The following NCOR1 variants were observed in gnomAD, a reference collection of about 807,000 sequenced individuals.
NCOR1 encodes protein phosphatase 1, regulatory subunit 109.
A neutral mutation model predicts 288.1 loss-of-function variants in NCOR1; 63 were observed. That is an observed-to-expected ratio of 0.22 (90% confidence interval 0.18 to 0.27). The LOEUF (loss-of-function observed/expected upper bound fraction) is 0.27, where lower values mean the gene tolerates loss of function less well. Ranked by LOEUF, NCOR1 falls within the 10% of genes least tolerant of loss-of-function variation. NCOR1 has a pLI of 1.00. For missense variants in NCOR1, 2,397 were observed against 3,019.2 expected, an observed-to-expected ratio of 0.79 and a Z score of 4.83; for synonymous variants, 1,007 against 1,065.9, an observed-to-expected ratio of 0.94 and a Z score of 1.08.
chr17:16,071,463 T>C lies in NCOR1; in HGVS notation c.4098A>G (p.Lys1366=), dbSNP rs1480430866. 1 of 1,614,208 alleles carries C rather than the reference T, an allele frequency of 6.2e-7. No individual in the cohort carries two copies. The highest frequency in any genetic ancestry group is 8.5e-7 in the Non-Finnish European group (1 of 1,180,042). Residue 1366 remains lysine, a synonymous_variant, in exon 30 of 46, where the codon AAA becomes AAG. Coordinates refer to ENST00000268712, the MANE Select transcript of NCOR1 (RefSeq NM_006311.4). Reference sequence around the variant, plus strand: ...GTGTGCTCTGGACCACTTCTGGAGTTTTCCGACTTTCCTGAGTTAAAATAT... The same window carrying C: ...GTGTGCTCTGGACCACTTCTGGAGTCTTCCGACTTTCCTGAGTTAAAATAT... ...RQDILTQESR[K]TPEVVQSTRP... is the part of the protein sequence containing the mutation.
Position 16,111,811 on chromosome 17 carries a change from T to A in NCOR1, c.2056-2899A>T, listed in dbSNP as rs182499718. On this transcript the variant is annotated intron_variant, in intron 18 of 45. Transcript: ENST00000268712. ...CTTTCTATATATATGCATACACACA[T>A]CCTGTTAACTGTGTTTCTGAGGAGG... Among the ~76,000 whole-genome samples, 6 of 152,184 alleles carry A rather than the reference T, an allele frequency of 3.9e-5. No homozygotes were observed. In the East Asian group the frequency reaches 1.2e-3, roughly 29 times the overall value.
At chr17:16,135,832 T>C (rs1325471437) in intron 14 of NCOR1, among the ~76,000 whole-genome samples, 1 of 152,174 alleles carries the variant, frequency 6.6e-6, no homozygotes, top group African/African-American at 2.4e-5. Flanking sequence ...CAATAACCTA[T>C]ATCTGGTAAC....
intron 39 of NCOR1, 55 bp from the exon 40 acceptor site, chr17:16,057,792 A>C (rs541564226): frequency 4.6e-6 from 7 of 1,532,930 alleles, no homozygotes; most frequent in South Asian, 2.5e-5. Flanking sequence ...TGCAAAAAAA[A>C]AATAGTATTA....
intron 42 of NCOR1, among the ~76,000 whole-genome samples, chr17:16,042,927 C>T (rs2058009172): frequency 1.3e-5 from 2 of 152,092 alleles, no homozygotes; most frequent in African/African-American, 4.8e-5. Context: ...AGCATACAAG[C>T]GACCATTCAA....
intron 18 of NCOR1, among the ~76,000 whole-genome samples, chr17:16,115,580 C>T (rs1363666206): frequency 6.6e-6 from 1 of 152,212 alleles, no homozygotes; most frequent in African/African-American, 2.4e-5. Flanking sequence ...TAAATTATCT[C>T]TCTCAAGTTC....
At chr17:16,094,810 A>G (rs2066065920) in intron 21 of NCOR1, among the ~76,000 whole-genome samples, 2 of 151,966 alleles carry the variant, frequency 1.3e-5, no homozygotes, top group African/African-American at 2.4e-5. Context: ...CGAGTGATCC[A>G]CCAGCCTCGG....
intron 4 of NCOR1, among the ~76,000 whole-genome samples, chr17:16,166,840 A>T (rs1171489106): frequency 6.6e-6 from 1 of 152,202 alleles, no homozygotes; most frequent in Non-Finnish European, 1.5e-5. Context: ...TGTGAAAAGC[A>T]CAACAGTTCT....
chr17:16,202,232 A>AT (rs1475110531), intron 1 of NCOR1, among the ~76,000 whole-genome samples: 1 of 150,682 alleles, frequency 6.6e-6, no homozygotes, highest in African/African-American at 2.4e-5. Context: ...TCAAAAAAAA[A>AT]AAAAAAAAAA....
At chr17:16,109,197 C>A (rs937617050) in intron 18 of NCOR1, among the ~76,000 whole-genome samples, 1 of 151,972 alleles carries the variant, frequency 6.6e-6, no homozygotes. Flanking sequence ...AAATCACATA[C>A]CTCCATGCTT....
At chr17:16,153,272 T>C (rs190040960) in intron 7 of NCOR1, 67 bp downstream of exon 7, 123 of 1,132,402 alleles carry the variant, frequency 1.1e-4, no homozygotes, top group African/African-American at 8.0e-4. Context: ...TATTCCATCT[T>C]ATCCCAAGAA....
intron 15 of NCOR1, among the ~76,000 whole-genome samples, chr17:16,125,720 A>C (rs919394354): frequency 4.6e-5 from 7 of 151,794 alleles, no homozygotes; most frequent in African/African-American, 9.7e-5. Context: ...AAAAAAAAAA[A>C]AACTATACTT....
chr17:16,109,223 T>A (rs1304389505), intron 18 of NCOR1, among the ~76,000 whole-genome samples: 1 of 152,048 alleles, frequency 6.6e-6, no homozygotes, highest in Non-Finnish European at 1.5e-5. Flanking sequence ...TCACTCCAGA[T>A]AATGTTATCT....
At chr17:16,138,132 C>G in intron 13 of NCOR1, 26 bp downstream of exon 13, 1 of 1,589,550 alleles carries the variant, frequency 6.3e-7, no homozygotes. Flanking sequence ...AACCTACAAA[C>G]ACTCCCAATG....
intron 1 of NCOR1, among the ~76,000 whole-genome samples, chr17:16,194,853 A>G (rs2089412691): frequency 6.6e-6 from 1 of 152,206 alleles, no homozygotes; most frequent in South Asian, 2.1e-4. Context: ...AAATAATATA[A>G]TTAGTTATAT....
At chr17:16,132,970 CTTCT>C (rs1039684484) in intron 14 of NCOR1, among the ~76,000 whole-genome samples, 10 of 148,368 alleles carry the variant, frequency 6.7e-5, no homozygotes, top group Admixed American at 1.4e-4. Flanking sequence ...CTCTTTCTCT[CTTCT>C]TTCTTTTTTT....
intron 23 of NCOR1, among the ~76,000 whole-genome samples, chr17:16,081,573 A>G (rs1256087848): frequency 6.6e-6 from 1 of 152,036 alleles, no homozygotes; most frequent in African/African-American, 2.4e-5. Flanking sequence ...GCAAGGATGG[A>G]GCTCCTTAAA....
intron 45 of NCOR1, among the ~76,000 whole-genome samples, chr17:16,034,386 C>T (rs975860683): frequency 6.6e-5 from 10 of 151,948 alleles, no homozygotes; most frequent in East Asian, 1.9e-4. Context: ...TTCAGGAGTT[C>T]GAGACCAGCC....
chr17:16,211,579 TAAATA>T (rs767611874), intron 1 of NCOR1, among the ~76,000 whole-genome samples: 15 of 152,044 alleles, frequency 9.9e-5, no homozygotes, highest in Non-Finnish European at 1.8e-4. Flanking sequence ...AGATCGCTGT[TAAATA>T]AAAGTAACAG....
At chr17:16,069,308 AG>A (rs1339690946) in intron 31 of NCOR1, among the ~76,000 whole-genome samples, 5 of 152,112 alleles carry the variant, frequency 3.3e-5, no homozygotes, top group Non-Finnish European at 7.4e-5. Context: ...TAAAGCTACA[AG>A]CATTTGGACT....
Sources: allele counts gnomAD v4.1 joint callset (sites outside exome capture counted in the v4.1 genomes callset), GRCh38; gene constraint gnomAD v4.1.1; transcripts MANE v1.5; gene names NCBI Gene and HGNC (gene_info 2026-07-23, HGNC 2026-07-21).